The following TTI1 variants were observed in gnomAD, a reference collection of about 807,000 sequenced individuals.
TTI1 encodes TELO2-interacting protein 1 homolog.
Under a neutral mutation model 85.4 loss-of-function variants are expected in TTI1, and 52 were observed. The observed-to-expected ratio is 0.61, with a 90% CI of 0.49 to 0.77. The LOEUF (loss-of-function observed/expected upper bound fraction) is 0.77, where lower values mean the gene tolerates loss of function less well. Among genes scored for constraint, TTI1 ranks in the 30% least tolerant of loss-of-function variants. TTI1 has a pLI of 0.00. For synonymous variants in TTI1, 512 were observed against 503.9 expected, an observed-to-expected ratio of 1.02 and a Z score of -0.22; for missense variants, 1,173 against 1,296.0, an observed-to-expected ratio of 0.91 and a Z score of 1.46.
At chr20:38,020,396 G>A (rs1051257880) in intron 1 of TTI1, among the ~76,000 whole-genome samples, 1 of 133,988 alleles carries the variant, frequency 7.5e-6, no homozygotes, top group South Asian at 2.5e-4. Context: ...AATGTGAAAT[G>A]TAAAACAATA....
intron 1 of TTI1, among the ~76,000 whole-genome samples, chr20:38,019,338 A>G (rs923534889): frequency 3.3e-5 from 5 of 152,340 alleles, no homozygotes; most frequent in Middle Eastern, 3.4e-3. Flanking sequence ...GTACAAAACA[A>G]TAACTATTAT....
At chr20:38,009,215 C>A (rs2073545061) in intron 2 of TTI1, among the ~76,000 whole-genome samples, 1 of 152,178 alleles carries the variant, frequency 6.6e-6, no homozygotes, top group South Asian at 2.1e-4. Flanking sequence ...CCCATGGAAG[C>A]CAGTCTTAGT....
chr20:38,025,105 C>A (rs1472436584), intron 1 of TTI1, among the ~76,000 whole-genome samples: 1 of 152,180 alleles, frequency 6.6e-6, no homozygotes. Context: ...TACGGACCCC[C>A]TTCTCCTACC....
chr20:38,008,433 G>A (rs374412679), intron 2 of TTI1, among the ~76,000 whole-genome samples: 12 of 152,280 alleles, frequency 7.9e-5, no homozygotes, highest in East Asian at 5.8e-4. Flanking sequence ...GGAATACTAT[G>A]CAGCCATAAA....
At chr20:38,027,352 C>T (rs1285725948) in intron 1 of TTI1, among the ~76,000 whole-genome samples, 6 of 152,074 alleles carry the variant, frequency 3.9e-5, no homozygotes, top group African/African-American at 1.4e-4. Context: ...GTTTTAAAAT[C>T]TGTATTATTT....
chr20:37,984,131 T>C (rs953520009), intron 7 of TTI1, among the ~76,000 whole-genome samples: 14 of 152,170 alleles, frequency 9.2e-5, no homozygotes, highest in African/African-American at 3.1e-4. Context: ...AAGTCGGCAG[T>C]TGGACCCTTC....
At chr20:37,997,748 C>A (rs1379499294) in intron 5 of TTI1, among the ~76,000 whole-genome samples, 1 of 152,126 alleles carries the variant, frequency 6.6e-6, no homozygotes, top group Non-Finnish European at 1.5e-5. Context: ...CTTCTATAGA[C>A]CTCAGTGTCA....
rs758479851 is a variant in TTI1 at position 38,011,521 on chromosome 20, C to T, written c.2296G>A (p.Ala766Thr). ...AAAAGGGCTCTCAATGTACCTAATG[C>T]TGCCATCAGAGCATGCAGAACGCTG... ...FVSVLHALMA[A>T]LAQWFPDTGN... The change falls in exon 2 of 8, where the codon GCA (alanine) becomes ACA (threonine). Residue 766 changes from alanine (A) to threonine (T), a missense_variant. Ala to Thr is a moderately conservative substitution (Grantham distance 58). Coordinates refer to ENST00000373447, the MANE Select transcript of TTI1 (RefSeq NM_001303457.2). 3.1e-6 allele frequency: 5 copies of T among 1,613,818 alleles called. No homozygotes were observed. The highest frequency in any genetic ancestry group is 3.3e-5 in the Admixed American group (2 of 60,010).
At chr20:37,996,633 AC>A in intron 6 of TTI1, 115 bp downstream of exon 6, 1 of 1,383,560 alleles carries the variant, frequency 7.2e-7, no homozygotes, top group Non-Finnish European at 1.0e-6. Flanking sequence ...CCAAAATAAG[AC>A]GGAAGGAGGT....
intron 7 of TTI1, among the ~76,000 whole-genome samples, chr20:37,996,126 G>A (rs570136647): frequency 2.2e-4 from 33 of 152,322 alleles, no homozygotes; most frequent in African/African-American, 7.9e-4. Flanking sequence ...GTCCTCTCTA[G>A]CACACCGTCT....
chr20:38,023,114 C>T (rs1389659034), intron 1 of TTI1, among the ~76,000 whole-genome samples: 1 of 152,190 alleles, frequency 6.6e-6, no homozygotes, highest in East Asian at 1.9e-4. Context: ...AAACCCCCAT[C>T]ATACATCAGG....
chr20:37,988,999 A>G (rs978726546), intron 7 of TTI1, among the ~76,000 whole-genome samples: 1 of 152,172 alleles, frequency 6.6e-6, no homozygotes. Flanking sequence ...CAGTGGGGCT[A>G]TGTTTCTATA....
intron 1 of TTI1, among the ~76,000 whole-genome samples, chr20:38,019,304 T>C (rs1010579475): frequency 1.3e-5 from 2 of 151,928 alleles, no homozygotes; most frequent in Admixed American, 1.3e-4. Flanking sequence ...GAAAATGAAA[T>C]AGGTAAATAT....
intron 7 of TTI1, among the ~76,000 whole-genome samples, chr20:37,994,962 A>C (rs1405631322): frequency 1.3e-5 from 2 of 152,240 alleles, no homozygotes; most frequent in Non-Finnish European, 2.9e-5. Flanking sequence ...TAGGAAAAAT[A>C]GAATGGATGG....
chr20:37,989,433 C>A (rs2073232928), intron 7 of TTI1, among the ~76,000 whole-genome samples: 1 of 152,184 alleles, frequency 6.6e-6, no homozygotes, highest in South Asian at 2.1e-4. Context: ...TTGCTTTGTG[C>A]ATATTTAAAA....
chr20:38,006,273 G>T lies in TTI1; in HGVS notation c.2427C>A (p.Ile809=). The T allele has an allele frequency of 6.2e-7, 1 of 1,614,124 alleles. No individual in the cohort carries two copies. The highest frequency in any genetic ancestry group is 2.2e-5 in the East Asian group (1 of 44,884). ...TGAGGTAGTTCAGCAAAAACTGTTC[G>T]ATGTCTTCAGCTGTGGTGGTGCTCT... ...LEKSTTTAED[I]EQFLLNYLKE... The change falls in exon 3 of 8, where the codon ATC becomes ATA. Residue 809 remains isoleucine, a synonymous_variant. Coordinates refer to ENST00000373447, the MANE Select transcript of TTI1 (RefSeq NM_001303457.2).
intron 7 of TTI1, among the ~76,000 whole-genome samples, chr20:37,992,803 T>G (rs2073283446): frequency 6.6e-6 from 1 of 152,156 alleles, no homozygotes; most frequent in Admixed American, 6.5e-5. Flanking sequence ...TGCTCTCTTT[T>G]CAAATTCCTT....
At chr20:37,984,487 C>T (rs1466466452) in intron 7 of TTI1, among the ~76,000 whole-genome samples, 2 of 152,222 alleles carry the variant, frequency 1.3e-5, no homozygotes, top group South Asian at 2.1e-4. Context: ...AGATCAGTCA[C>T]GTGCCCAGGG....
chr20:38,018,559 A>T (rs1039441057), intron 1 of TTI1, among the ~76,000 whole-genome samples: 1 of 152,198 alleles, frequency 6.6e-6, no homozygotes, highest in African/African-American at 2.4e-5. Flanking sequence ...AACAAATGAA[A>T]GAGATCAACC....
Sources: gnomAD v4.1 joint callset for allele counts (sites outside exome capture counted in the v4.1 genomes callset) on GRCh38, gnomAD v4.1.1 for gene constraint, MANE v1.5 for transcripts, NCBI Gene and HGNC (gene_info 2026-07-23, HGNC 2026-07-21) for gene names.